DPP7: variants seen among roughly 807,000 people sequenced by gnomAD.
DPP7 encodes the protein dipeptidyl peptidase 2.
Under a neutral mutation model 58.8 loss-of-function variants are expected in DPP7, and 74 were observed. The observed-to-expected ratio is 1.26, with a 90% confidence interval of 1.04 to 1.53. The LOEUF is 1.53. Among genes scored for constraint, DPP7 ranks in the 40% most tolerant of loss-of-function variants. DPP7 has a pLI of 0.00. For missense variants in DPP7, 807 were observed against 692.3 expected (o/e 1.17, Z -1.86); for synonymous variants, 350 against 303.6 (o/e 1.15, Z -1.59).
At chr9:137,112,443 T>G in intron 8 of DPP7, 1 of 621,950 alleles carries the variant, frequency 1.6e-6, no homozygotes, top group African/African-American at 1.8e-5. Context: ...GCCCCCCCGC[T>G]CTCCACGGGG....
Position 137,114,309 on chromosome 9 carries a change from G to T in DPP7, c.255C>A (p.Ala85=), listed in dbSNP as rs773607706. 7 of 1,605,330 alleles carry T rather than the reference G, an allele frequency of 4.4e-6. No individual in the cohort carries two copies. In the South Asian group the frequency reaches 7.7e-5, roughly 18 times the overall value. The change falls in exon 3 of 13, where the codon GCC becomes GCA. Residue 85 remains alanine (A), a synonymous_variant. Coordinates refer to ENST00000371579, the MANE Select transcript of DPP7 (RefSeq NM_013379.3). ...GCTCCGCGACGAAGGCCGAGTTGTT[G>T]GCGAAGGCCCACACGTCGCCCTCGT... is the stretch of plus-strand genomic sequence containing the variant. ...TGNEGDVWAF[A]NNSAFVAELA...
rs761585241 is a variant in DPP7 at position 137,110,937 on chromosome 9, A to G, written c.1286T>C (p.Leu429Pro). ...PWAGGGIRRN[L>P]SASVIAVTIQ... Reference sequence around the variant, plus strand: ...GGTGACGGCGATGACTGAGGCACTCAGGTTCCTCCGAATCTGTGGTCAGTG... The same window carrying G: ...GGTGACGGCGATGACTGAGGCACTCGGGTTCCTCCGAATCTGTGGTCAGTG... Residue 429 changes from leucine to proline, a missense_variant, in exon 12 of 13, where the codon CTG becomes CCG. This residue lies in a region of DPP7 where 624 missense variants were observed against 531.2 expected (regional missense o/e 1.17). Coordinates refer to ENST00000371579, the MANE Select transcript of DPP7 (RefSeq NM_013379.3). 14 of 1,612,962 alleles carry G rather than the reference A, an allele frequency of 8.7e-6. No individual in the cohort carries two copies. The African/African-American group carries it at 1.2e-4, about 14-fold the overall frequency.
intron 8 of DPP7, 140 bp downstream of exon 8, chr9:137,112,605 G>A (rs980996484): frequency 1.5e-5 from 16 of 1,043,870 alleles, no homozygotes; most frequent in East Asian, 5.2e-5. Flanking sequence ...TGGGAAGGTC[G>A]TGCTGTCCAC....
intron 8 of DPP7, chr9:137,112,435 C>A (rs566688220): frequency 1.3e-5 from 8 of 626,294 alleles, no homozygotes; most frequent in African/African-American, 3.7e-5. Flanking sequence ...TGTTGAGGGC[C>A]CCCCCGCTCT....
intron 8 of DPP7, chr9:137,112,475 C>T (rs1164466238): frequency 3.2e-6 from 2 of 623,912 alleles, no homozygotes; most frequent in Non-Finnish European, 5.6e-6. Flanking sequence ...CTGCTGCCCT[C>T]TGTTGCCCTC....
chr9:137,110,907 T>C lies in DPP7; in HGVS notation c.1316A>G (p.Gln439Arg). 2 of 1,612,748 alleles carry C rather than the reference T, an allele frequency of 1.2e-6. No homozygotes were observed. Among genetic ancestry groups the C allele is most frequent in the Non-Finnish European group, 1.7e-6 (2 of 1,179,834 alleles). ...GAGGTCGAGGTGGTGCGCTCCCCCC[T>C]GGATGGTGACGGCGATGACTGAGGC... ...LSASVIAVTI[Q>R]GGAHHLDLRA... The change falls in exon 12 of 13, where the codon CAG becomes CGG. Residue 439 changes from glutamine (Q) to arginine (R), a missense_variant. Physicochemically the swap from Gln to Arg is conservative, Grantham distance 43. Around this residue, in one of 3 missense-constraint regions of DPP7, gnomAD observed 624 missense variants for 531.2 expected, o/e 1.17. Coordinates refer to ENST00000371579, the MANE Select transcript of DPP7 (RefSeq NM_013379.3).
chr9:137,112,756 C>G lies in DPP7; in HGVS notation c.920G>C (p.Arg307Pro), dbSNP rs199693681. The G allele has an allele frequency of 1.9e-6, 3 of 1,606,076 alleles. No individual in the cohort carries two copies. The highest frequency in any genetic ancestry group is 1.7e-5 in the Admixed American group (1 of 59,496). Residue 307 changes from arginine to proline, a missense_variant, in exon 8 of 13, where the codon CGA becomes CCA. Physicochemically the swap from Arg to Pro is moderately radical, Grantham distance 103. This residue lies in a region of DPP7 where 624 missense variants were observed against 531.2 expected (regional missense o/e 1.17). Transcript: ENST00000371579. ...CGGGGGAAGGGCACCTGCCAGTGCT[C>G]GCAGCCCCGTGATCCTCTGGGCCTC... is the stretch of plus-strand genomic sequence containing the variant. ...LSEAQRITGL[R>P]ALAGLVYNAS...
intron 4 of DPP7, 86 bp downstream of exon 4, chr9:137,113,779 A>G: frequency 8.0e-7 from 1 of 1,242,588 alleles, no homozygotes. Context: ...CAGCGGTGGG[A>G]GTCAGAGGGG....
At chr9:137,115,310 G>C (rs1831599272), upstream of DPP7, 2 of 152,424 alleles carry the variant, frequency 1.3e-5, no homozygotes, top group African/African-American at 4.8e-5. Context: ...CCTTCCGACT[G>C]GCACCCAGTG....
At chr9:137,118,239 C>T (rs1262095821), upstream of DPP7, among the ~76,000 whole-genome samples, 2 of 152,006 alleles carry the variant, frequency 1.3e-5, no homozygotes, top group Non-Finnish European at 2.9e-5. Context: ...CTGTCAGCCT[C>T]AGCCTCCCAA....
Position 137,114,365 on chromosome 9 carries a change from C to G in DPP7, c.199G>C (p.Gly67Arg), listed in dbSNP as rs769341452. The G allele has an allele frequency of 1.9e-6, 3 of 1,604,240 alleles. No homozygotes were observed. The highest frequency in any genetic ancestry group is 2.6e-6 in the Non-Finnish European group (3 of 1,176,456). Residue 67 changes from glycine (G) to arginine (R), a missense_variant, in exon 3 of 13, where the codon GGC becomes CGC. By Grantham distance (125) the Gly-to-Arg change is moderately radical. Transcript: ENST00000371579. ...FLVSDRFWVR[G>R]EGPIFFYTGN... is the part of the protein sequence containing the mutation. ...GTGTAGAAGAAGATGGGCCCCTCGC[C>G]CCGGACCCAGAACCTGTCTGTGGGG...
At chr9:137,114,188 CCGCCCGGCACCCACG>C in intron 3 of DPP7, 40 bp downstream of exon 3, 1 of 607,800 alleles carries the variant, frequency 1.6e-6, no homozygotes, top group Non-Finnish European at 2.0e-6. Context: ...GCCCGCGACC[CCGCCCGGCACCCACG>C]TGCCCCGCGA....
upstream of DPP7, among the ~76,000 whole-genome samples, chr9:137,116,763 G>A (rs1416121679): frequency 6.6e-6 from 1 of 152,230 alleles, no homozygotes; most frequent in Non-Finnish European, 1.5e-5. Context: ...ATGCCCCTGG[G>A]AACGGAATGT....
chr9:137,114,350 A>T lies in DPP7; in HGVS notation c.214T>A (p.Phe72Ile), dbSNP rs755136780. The change falls in exon 3 of 13, where the codon TTC becomes ATC. Residue 72 changes from phenylalanine to isoleucine, a missense_variant. Physicochemically the swap from Phe to Ile is conservative, Grantham distance 21. Transcript: ENST00000371579. The part of the protein sequence containing the change: ...RFWVRGEGPI[F>I]FYTGNEGDVW... ...TCGCCCTCGTTCCCAGTGTAGAAGA[A>T]GATGGGCCCCTCGCCCCGGACCCAG... 9 of 1,605,826 alleles carry T rather than the reference A, an allele frequency of 5.6e-6. No individual in the cohort carries two copies. Among genetic ancestry groups the T allele is most frequent in the Admixed American group, 5.0e-5 (3 of 59,744 alleles).
At position 137,112,111 on chromosome 9, in the gene DPP7, C is replaced by T. The variant is rs369376907; in HGVS notation, c.1050+1G>A. On this transcript the variant is annotated splice_donor_variant, in intron 9 of 12. Coordinates refer to ENST00000371579, the MANE Select transcript of DPP7 (RefSeq NM_013379.3). LOFTEE classifies it high-confidence loss of function. The stretch of plus-strand genomic sequence containing the variant: ...GTTCCAGGCCACCCACACCCCCACA[C>T]CTGGTAGTCCCAGGCCCTGGCGTCG... 207 of 1,611,748 alleles carry T rather than the reference C, an allele frequency of 1.3e-4. No homozygotes were observed. Among genetic ancestry groups the T allele is most frequent in the Non-Finnish European group, 1.7e-4 (199 of 1,179,572 alleles).
In DPP7 at chr9:137,113,240, C is replaced by G. The variant is rs556219967; in HGVS notation, c.669G>C (p.Ala223=). 1.9e-6 allele frequency: 3 copies of G among 1,613,766 alleles called. No homozygotes were observed. The highest frequency in any genetic ancestry group is 2.5e-6 in the Non-Finnish European group (3 of 1,179,960). ...GGAACAAGTCCTTGATCTGTCGGAA[C>G]GCTTCCCGCACACCCTGGGTGCATT... The part of the protein sequence containing the change: ...SPKCTQGVRE[A]FRQIKDLFLQ... The change falls in exon 6 of 13, where the codon GCG becomes GCC. Residue 223 remains alanine, a synonymous_variant. Coordinates refer to ENST00000371579, the MANE Select transcript of DPP7 (RefSeq NM_013379.3).
chr9:137,111,327 G>A (rs1167968342), intron 11 of DPP7, among the ~76,000 whole-genome samples: 1 of 148,532 alleles, frequency 6.7e-6, no homozygotes, highest in East Asian at 2.0e-4. Context: ...AGGGGCAGGC[G>A]AGGGGCCTGT....
At chr9:137,112,547 A>G (rs145022441) in intron 8 of DPP7, 198 bp downstream of exon 8, 7 of 715,412 alleles carry the variant, frequency 9.8e-6, no homozygotes, top group Non-Finnish European at 4.5e-6. Context: ...GGCTACAGCC[A>G]GTGCTGAGAG....
At position 137,113,014 on chromosome 9, in the gene DPP7, G is replaced by A. The variant is rs181036640; in HGVS notation, c.809C>T (p.Ala270Val). The stretch of plus-strand genomic sequence containing the variant: ...AGTGGGGTAGGGGTAGTCCATCATG[G>A]CCAGCACGGTGAAGGCATTCCGGGC... ...MFARNAFTVLAMMDYPYPTDF... is the reference protein window; with the variant it reads ...MFARNAFTVLVMMDYPYPTDF... The change falls in exon 7 of 13, where the codon GCC becomes GTC. Residue 270 changes from alanine (A) to valine (V), a missense_variant. Physicochemically the swap from Ala to Val is moderately conservative, Grantham distance 64. Transcript: ENST00000371579. 3.6e-4 allele frequency: 581 copies of A among 1,613,800 alleles called. 7 individuals carry two copies. The East Asian group carries it at 0.013, about 35-fold the overall frequency.
Sources: allele counts gnomAD v4.1 joint callset (sites outside exome capture counted in the v4.1 genomes callset), GRCh38; gene constraint gnomAD v4.1.1; regional missense constraint gnomAD v4.1.1; transcripts MANE v1.5; gene names NCBI Gene and HGNC (gene_info 2026-07-23, HGNC 2026-07-21).